ITIH1: variants seen among roughly 807,000 people sequenced by gnomAD.
ITIH1 encodes inter-alpha-trypsin inhibitor heavy chain 1, also known as inter-alpha-trypsin inhibitor heavy chain H1.
In ITIH1, 94 loss-of-function variants were observed where a neutral mutation model predicts 104.6. The ratio of observed to expected loss-of-function variants is 0.90; its 90% CI spans 0.76 to 1.07. The LOEUF (loss-of-function observed/expected upper bound fraction) is 1.07, where lower values mean the gene tolerates loss of function less well. Among genes scored for constraint, ITIH1 ranks in the 50% least tolerant of loss-of-function variants. The probability of loss-of-function intolerance (pLI) is 0.00; values close to 1 mark genes in which losing one functional copy is unlikely to be tolerated. For missense variants in ITIH1, 1,193 were observed against 1,181.4 expected (o/e 1.01, Z -0.14); for synonymous variants, 455 against 464.4 (o/e 0.98, Z 0.26).
At chr3:52,782,591 G>A (rs1424025181) in intron 8 of ITIH1, among the ~76,000 whole-genome samples, 1 of 137,160 alleles carries the variant, frequency 7.3e-6, no homozygotes, top group East Asian at 2.1e-4. Context: ...TCCGTGGGGA[G>A]GCATCTTATA....
At chr3:52,790,369 T>A (rs1012759864) in intron 19 of ITIH1, 2 of 279,000 alleles carry the variant, frequency 7.2e-6, no homozygotes, top group Non-Finnish European at 1.4e-5. Context: ...GCTGTGGAGG[T>A]CACAGGTGAT....
At position 52,783,123 on chromosome 3, in the gene ITIH1, A is replaced by C; in HGVS notation, c.1097A>C (p.Glu366Ala). 1 of 1,612,672 alleles carries C rather than the reference A, an allele frequency of 6.2e-7. No homozygotes were observed. The highest frequency in any genetic ancestry group is 8.5e-7 in the Non-Finnish European group (1 of 1,179,200). ...TTTGTGCGGGGCTTTTCCCTGGATG[A>C]GGGTAAGGGTGGGGGTCTCAGGCAA... ...QDFVRGFSLD[E>A]ATNLNGGLLR... Residue 366 changes from glutamate to alanine, a missense_variant and splice_region_variant, in exon 9 of 22, where the codon GAG (glutamate) becomes GCG (alanine). Physicochemically the swap from Glu to Ala is moderately radical, Grantham distance 107. Coordinates refer to ENST00000273283, the MANE Select transcript of ITIH1 (RefSeq NM_002215.4).
rs773761422 is a variant in ITIH1 at position 52,788,344 on chromosome 3, A to G, written c.2118A>G (p.Thr706=). ...TGAGCCTGGTACAGGACCCCAACAC[A>G]GGTATGGCGGGCATCACACCTCTGC... ...VILSLVQDPN[T]GFSVNGQLIG... The change falls in exon 18 of 22, where the codon ACA becomes ACG. Residue 706 remains threonine, a splice_region_variant and synonymous_variant. Transcript: ENST00000273283. The G allele has an allele frequency of 8.8e-6, 14 of 1,582,758 alleles. No individual in the cohort carries two copies. The highest frequency in any genetic ancestry group is 5.7e-5 in the South Asian group (5 of 88,002).
At position 52,787,103 on chromosome 3, in the gene ITIH1, T is replaced by C. The variant is rs746685577; in HGVS notation, c.1888+4T>C. ...ACCATCGACAAGCCCTCAGAGGGTATAGGCTGCAGGGGTCTACAGAAGGGA... is the reference window on the plus strand; with the variant it reads ...ACCATCGACAAGCCCTCAGAGGGTACAGGCTGCAGGGGTCTACAGAAGGGA... On this transcript the variant is annotated splice_donor_region_variant and intron_variant, in intron 14 of 21. Transcript: ENST00000273283. The C allele has an allele frequency of 1.9e-6, 3 of 1,614,228 alleles. No homozygotes were observed. Among genetic ancestry groups the C allele is most frequent in the South Asian group, 2.2e-5 (2 of 91,084 alleles).
At position 52,789,824 on chromosome 3, in the gene ITIH1, G is replaced by A. The variant is rs760317369; in HGVS notation, c.2291G>A (p.Trp764Ter). ...GGCTTTGGTGGGCCTGTGTTTTCCT[G>A]GAGGGACCAAGCTGTGCTGCGGCAG... ...NPGFGGPVFS[W>*]RDQAVLRQDG... is the part of the protein sequence containing the mutation. Residue 764 changes from tryptophan to a stop codon, truncating the protein, a stop_gained, in exon 19 of 22, where the codon TGG becomes TAG. Coordinates refer to ENST00000273283, the MANE Select transcript of ITIH1 (RefSeq NM_002215.4). LOFTEE classifies it high-confidence loss of function. 7 of 1,614,132 alleles carry A rather than the reference G, an allele frequency of 4.3e-6. No individual in the cohort carries two copies. The African/African-American group carries it at 6.7e-5, about 15-fold the overall frequency.
At position 52,784,391 on chromosome 3, in the gene ITIH1, T is replaced by G; in HGVS notation, c.1321T>G (p.Phe441Val). The change falls in exon 11 of 22, where the codon TTT becomes GTT. Residue 441 changes from phenylalanine to valine, a missense_variant. Coordinates refer to ENST00000273283, the MANE Select transcript of ITIH1 (RefSeq NM_002215.4). ...CCTGGGTTTCGGCCACAATGTGGAC[T>G]TTAACTTTCTGGAGGTCATGTCCAT... ...YNLGFGHNVD[F>V]NFLEVMSMEN... The G allele has an allele frequency of 6.2e-7, 1 of 1,614,138 alleles. No individual in the cohort carries two copies. Among genetic ancestry groups the G allele is most frequent in the South Asian group, 1.1e-5 (1 of 91,074 alleles).
chr3:52,781,640 G>A (rs1355518674), intron 6 of ITIH1, among the ~76,000 whole-genome samples: 1 of 152,062 alleles, frequency 6.6e-6, no homozygotes. Flanking sequence ...TCAACAGTTT[G>A]AGTTGTCAGA....
At position 52,783,300 on chromosome 3, in the gene ITIH1, T is replaced by C; in HGVS notation, c.1186T>C (p.Ser396Pro). 1 of 1,614,092 alleles carries C rather than the reference T, an allele frequency of 6.2e-7. No homozygotes were observed. The highest frequency in any genetic ancestry group is 8.5e-7 in the Non-Finnish European group (1 of 1,180,036). The change falls in exon 10 of 22, where the codon TCA becomes CCA. Residue 396 changes from serine (S) to proline (P), a missense_variant. Ser to Pro is a moderately conservative substitution (Grantham distance 74, BLOSUM62 -1). Coordinates refer to ENST00000273283, the MANE Select transcript of ITIH1 (RefSeq NM_002215.4). ...CCTCCCAGAACTCAGCAACCATGCC[T>C]CAATACTCATCATGTTGACAGATGG... ...ESLPELSNHA[S>P]ILIMLTDGDP...
intron 12 of ITIH1, among the ~76,000 whole-genome samples, chr3:52,785,883 G>T (rs1004737575): frequency 6.6e-6 from 1 of 152,252 alleles, no homozygotes; most frequent in Non-Finnish European, 1.5e-5. Flanking sequence ...AGCAGCTGGT[G>T]CATAGGATGC....
intron 2 of ITIH1, 113 bp downstream of exon 2, chr3:52,778,130 T>C: frequency 7.8e-7 from 1 of 1,289,642 alleles, no homozygotes; most frequent in Non-Finnish European, 1.1e-6. Context: ...TGGGGTACTC[T>C]CCAGGGTCCT....
Position 52,785,107 on chromosome 3 carries a change from G to T in ITIH1, c.1471G>T (p.Ala491Ser), listed in dbSNP as rs904675241. The T allele has an allele frequency of 1.1e-5, 18 of 1,614,002 alleles. No individual in the cohort carries two copies. Among genetic ancestry groups the T allele is most frequent in the Non-Finnish European group, 1.5e-5 (18 of 1,180,022 alleles). Residue 491 changes from alanine to serine, a missense_variant, in exon 12 of 22, where the codon GCT becomes TCT. Transcript: ENST00000273283. Reference protein sequence around the residue: ...VDVDLQYPQDAVLALTQNHHK... With the variant: ...VDVDLQYPQDSVLALTQNHHK... Reference sequence around the variant, plus strand: ...TGTGGATTTGCAGTACCCCCAGGATGCTGTCTTGGCCCTGACCCAGAACCA... The same window carrying T: ...TGTGGATTTGCAGTACCCCCAGGATTCTGTCTTGGCCCTGACCCAGAACCA...
At chr3:52,777,964 C>T (rs762348555) in intron 1 of ITIH1, 33 bp from the exon 2 acceptor site, 7 of 1,613,818 alleles carry the variant, frequency 4.3e-6, no homozygotes, top group African/African-American at 2.7e-5. Context: ...CCTGAGTTTT[C>T]CTCTCACACT....
rs746483071 is a variant in ITIH1 at position 52,790,708 on chromosome 3, A to G, written c.2322-41A>G. 46 of 1,591,996 alleles carry G rather than the reference A, an allele frequency of 2.9e-5. 1 individual carries two copies. The highest frequency in any genetic ancestry group is 2.8e-4 in the South Asian group (25 of 89,138). On this transcript the variant is annotated intron_variant, in intron 19 of 21. Coordinates refer to ENST00000273283, the MANE Select transcript of ITIH1 (RefSeq NM_002215.4). The stretch of plus-strand genomic sequence containing the variant: ...AGGGCAGCTGAATGGAGAGGGATGC[A>G]GTGCAGCCGCACCTGCCCTCTCGGC...
chr3:52,788,238 C>T lies in ITIH1; in HGVS notation c.2012C>T (p.Thr671Ile), dbSNP rs774874707. ...RLPDRVTGVD[T>I]DPHFIIHVPQ... ...TTCCATGCTGTGCCCCCAGTGGACACAGACCCTCACTTCATCATCCACGTG... is the reference window on the plus strand; with the variant it reads ...TTCCATGCTGTGCCCCCAGTGGACATAGACCCTCACTTCATCATCCACGTG... The change falls in exon 18 of 22, where the codon ACA becomes ATA. Residue 671 changes from threonine to isoleucine, a missense_variant. Physicochemically the swap from Thr to Ile is moderately conservative, Grantham distance 89 (BLOSUM62 -1). Coordinates refer to ENST00000273283, the MANE Select transcript of ITIH1 (RefSeq NM_002215.4). The T allele has an allele frequency of 9.3e-6, 15 of 1,609,092 alleles. No individual in the cohort carries two copies. Among genetic ancestry groups the T allele is most frequent in the Admixed American group, 3.4e-5 (2 of 59,360 alleles).
rs1484812262 is a variant in ITIH1 at position 52,784,361 on chromosome 3, T to C, written c.1291T>C (p.Tyr431His). ...CGCCATCCGGGGCAGGTTCCCGCTC[T>C]ACAACCTGGGTTTCGGCCACAATGT... is the stretch of plus-strand genomic sequence containing the variant. The part of the protein sequence containing the change: ...RNAIRGRFPL[Y>H]NLGFGHNVDF... The change falls in exon 11 of 22, where the codon TAC becomes CAC. Residue 431 changes from tyrosine to histidine, a missense_variant. Tyr to His is a moderately conservative substitution (Grantham distance 83). Transcript: ENST00000273283. The C allele has an allele frequency of 6.2e-7, 1 of 1,614,170 alleles. No homozygotes were observed. Among genetic ancestry groups the C allele is most frequent in the Non-Finnish European group, 8.5e-7 (1 of 1,180,006 alleles).
chr3:52,778,342 T>C lies in ITIH1; in HGVS notation c.141T>C (p.Ala47=). 1 of 1,614,222 alleles carries C rather than the reference T, an allele frequency of 6.2e-7. No individual in the cohort carries two copies. Among genetic ancestry groups the C allele is most frequent in the Non-Finnish European group, 8.5e-7 (1 of 1,180,020 alleles). ...SSEKRQAVDT[A]VDGVFIRSLK... is the part of the protein sequence containing the mutation. ...AGCTCCTTCATGTCTCACTTTAGGC[T>C]GTCGATGGCGTGTTCATCCGGAGTT... is the stretch of plus-strand genomic sequence containing the variant. Residue 47 remains alanine, a splice_region_variant and synonymous_variant, in exon 3 of 22, where the codon GCT becomes GCC. Transcript: ENST00000273283.
rs535812266 is a variant in ITIH1, at chr3:52,781,194, C to G, written c.688-746C>G. The stretch of plus-strand genomic sequence containing the variant: ...TCCTCCTCCTCCTTCACCTCCTCCT[C>G]TTCTTTTTTTTTTTTTCTTCTTCTT... On this transcript the variant is annotated intron_variant, in intron 6 of 21. Transcript: ENST00000273283. Among the ~76,000 whole-genome samples the G allele has an allele frequency of 7.3e-3, 685 of 93,380 alleles. 7 individuals carry two copies. Among genetic ancestry groups the G allele is most frequent in the Non-Finnish European group, 0.011 (515 of 48,896 alleles). 61.3% of individuals were successfully genotyped at this position (93,380 alleles called of 152,430 possible). A position where few individuals can be genotyped will look rare whatever the true frequency, so the allele number is the denominator to read the frequency against.
chr3:52,781,889 T>G (rs2710323), intron 6 of ITIH1, 51 bp from the exon 7 acceptor site: 2 of 1,598,042 alleles, frequency 1.3e-6, no homozygotes, highest in Non-Finnish European at 1.7e-6. Flanking sequence ...TGCAAACATC[T>G]TGTTTGTGGT....
chr3:52,790,641 T>G, intron 19 of ITIH1, 108 bp from the exon 20 acceptor site: 5 of 1,088,384 alleles, frequency 4.6e-6, no homozygotes, highest in Non-Finnish European at 6.8e-6. Flanking sequence ...ATGAAGGCCA[T>G]GGGGTGGGGG....
Sources: gnomAD v4.1 joint callset for allele counts (sites outside exome capture counted in the v4.1 genomes callset) on GRCh38, gnomAD v4.1.1 for gene constraint, MANE v1.5 for transcripts, NCBI Gene and HGNC (gene_info 2026-07-23, HGNC 2026-07-21) for gene names.